The following TNIP1 variants were observed in gnomAD, a reference collection of about 807,000 sequenced individuals.
TNIP1 encodes TNFAIP3 interacting protein 1, also known as TNFAIP3-interacting protein 1.
Under a neutral mutation model 86.6 loss-of-function variants are expected in TNIP1, and 22 were observed. The observed-to-expected ratio is 0.25, with a 90% confidence interval of 0.18 to 0.36. The LOEUF (loss-of-function observed/expected upper bound fraction) is 0.36. Among genes scored for constraint, TNIP1 ranks in the 10% least tolerant of loss-of-function variants. The pLI is 1.00. For synonymous variants in TNIP1, 294 were observed against 313.0 expected, an observed-to-expected ratio of 0.94 and a Z score of 0.64; for missense variants, 709 against 820.6, an observed-to-expected ratio of 0.86 and a Z score of 1.66.
intron 8 of TNIP1, among the ~76,000 whole-genome samples, chr5:151,049,015 A>G (rs939950499): frequency 6.6e-6 from 1 of 152,208 alleles, no homozygotes; most frequent in African/African-American, 2.4e-5. Context: ...GATGAGGCCC[A>G]AATAAGAAAA....
chr5:151,047,953 T>C (rs1759394679), intron 8 of TNIP1, among the ~76,000 whole-genome samples: 1 of 152,208 alleles, frequency 6.6e-6, no homozygotes, highest in African/African-American at 2.4e-5. Context: ...CAGCGTTCTC[T>C]TTCCCTCCAC....
chr5:151,038,685 C>A (rs1376250818), intron 12 of TNIP1, among the ~76,000 whole-genome samples: 1 of 152,150 alleles, frequency 6.6e-6, no homozygotes, highest in East Asian at 1.9e-4. Flanking sequence ...AAAGTATGCA[C>A]CTCCCACCAC....
At chr5:151,037,589 T>C (rs189589770) in intron 12 of TNIP1, among the ~76,000 whole-genome samples, 26 of 152,328 alleles carry the variant, frequency 1.7e-4, no homozygotes, top group Middle Eastern at 3.4e-3. Flanking sequence ...TCTTAATCTA[T>C]CATGTTCACA....
chr5:151,057,446 C>T (rs1381760078), intron 5 of TNIP1, among the ~76,000 whole-genome samples: 1 of 152,208 alleles, frequency 6.6e-6, no homozygotes, highest in Non-Finnish European at 1.5e-5. Flanking sequence ...AACAAACTGG[C>T]CGGGCGCGAT....
upstream of TNIP1, among the ~76,000 whole-genome samples, chr5:151,085,805 C>G (rs1342252830): frequency 1.3e-5 from 2 of 152,240 alleles, no homozygotes; most frequent in African/African-American, 4.8e-5. Context: ...CAGGCCCAGC[C>G]CGGCCCAGCC....
Position 151,030,543 on chromosome 5 carries a change from G to T in TNIP1, c.*170C>A. 1.9e-6 allele frequency: 2 copies of T among 1,058,614 alleles called. No homozygotes were observed. The highest frequency in any genetic ancestry group is 1.5e-5 in the South Asian group (1 of 67,580). 65.6% of individuals were successfully genotyped at this position (1,058,614 alleles called of 1,614,324 possible). ...AAGCCTTCTGGGTGGAGCCTCCCCA[G>T]TCCTGTAAACAGCTCAGTTCAGGGA... On this transcript the variant is annotated 3_prime_UTR_variant, in exon 18 of 18. Coordinates refer to ENST00000521591, the MANE Select transcript of TNIP1 (RefSeq NM_006058.5).
intron 1 of TNIP1, among the ~76,000 whole-genome samples, chr5:151,070,979 T>A (rs1322504767): frequency 6.6e-6 from 1 of 151,498 alleles, no homozygotes; most frequent in Non-Finnish European, 1.5e-5. Context: ...GTAAAAAATC[T>A]ACCACTCTGG....
At chr5:151,065,977 G>A (rs1762174718) in intron 1 of TNIP1, among the ~76,000 whole-genome samples, 1 of 152,124 alleles carries the variant, frequency 6.6e-6, no homozygotes, top group African/African-American at 2.4e-5. Flanking sequence ...TAACTCTGTG[G>A]CTTAGTAGAG....
chr5:151,044,143 C>T (rs1324476402), intron 9 of TNIP1, among the ~76,000 whole-genome samples: 1 of 151,994 alleles, frequency 6.6e-6, no homozygotes, highest in African/African-American at 2.4e-5. Flanking sequence ...CTCCTGAGCT[C>T]AAGTGATCCT....
At chr5:151,087,567 C>T (rs1220950923), upstream of TNIP1, 1 of 152,288 alleles carries the variant, frequency 6.6e-6, no homozygotes, top group African/African-American at 2.4e-5. Flanking sequence ...CAGCCCACAT[C>T]CTCCCACCCC....
intron 2 of TNIP1, among the ~76,000 whole-genome samples, chr5:151,064,534 C>G (rs546500173): frequency 1.3e-5 from 2 of 152,118 alleles, no homozygotes; most frequent in African/African-American, 4.8e-5. Context: ...AACTGAGGGA[C>G]CTACCACCTC....
chr5:151,039,023 G>A, intron 12 of TNIP1, 74 bp downstream of exon 12: 1 of 1,547,962 alleles, frequency 6.5e-7, no homozygotes, highest in Non-Finnish European at 8.7e-7. Context: ...ATGGTTGGGG[G>A]TGCCAGTGAT....
Position 151,049,892 on chromosome 5 carries a change from C to T in TNIP1, c.778G>A (p.Ala260Thr). ...LLMSNGNKEG[A>T]SGRPGSPKME... The stretch of plus-strand genomic sequence containing the variant: ...TTCGGTGAGCCTGGCCGCCCAGACG[C>T]ACCCTCTTTGTTGCCATTGCTCATC... The change falls in exon 8 of 18, where the codon GCG (alanine) becomes ACG (threonine). Residue 260 changes from alanine to threonine, a missense_variant. By Grantham distance (58) the Ala-to-Thr change is moderately conservative. Transcript: ENST00000521591. The T allele has an allele frequency of 6.2e-7, 1 of 1,614,224 alleles. No individual in the cohort carries two copies. The highest frequency in any genetic ancestry group is 8.5e-7 in the Non-Finnish European group (1 of 1,180,042).
intron 1 of TNIP1, 69 bp from the exon 2 acceptor site, chr5:151,065,200 T>C: frequency 5.0e-6 from 7 of 1,389,492 alleles, no homozygotes; most frequent in Non-Finnish European, 5.9e-6. Context: ...AGAGAAGCTC[T>C]AGTCTGTCAA....
intron 1 of TNIP1, among the ~76,000 whole-genome samples, chr5:151,068,253 G>A (rs1340317548): frequency 1.3e-5 from 2 of 152,190 alleles, no homozygotes; most frequent in Non-Finnish European, 2.9e-5. Context: ...AAGTTCTGCT[G>A]ACCTCATGCC....
intron 15 of TNIP1, among the ~76,000 whole-genome samples, chr5:151,034,057 C>T: frequency 1.3e-5 from 2 of 151,500 alleles, no homozygotes; most frequent in Admixed American, 6.6e-5. Context: ...GACATGGGCA[C>T]AGAAGGCTGG....
intron 6 of TNIP1, 129 bp from the exon 7 acceptor site, chr5:151,052,388 C>T (rs1760063924): frequency 1.4e-6 from 1 of 721,148 alleles, no homozygotes; most frequent in Admixed American, 2.6e-5. Flanking sequence ...TGCCTGGCCT[C>T]ACCCCATCCC....
intron 5 of TNIP1, among the ~76,000 whole-genome samples, chr5:151,059,929 G>C (rs947774372): frequency 6.6e-6 from 1 of 150,602 alleles, no homozygotes; most frequent in Non-Finnish European, 1.5e-5. Flanking sequence ...TGCTCCAAGA[G>C]TCTGCACAAA....
intron 7 of TNIP1, among the ~76,000 whole-genome samples, chr5:151,051,359 T>G (rs1396051956): frequency 6.6e-6 from 1 of 152,168 alleles, no homozygotes; most frequent in Admixed American, 6.5e-5. Flanking sequence ...CCTATGTGCC[T>G]GAGCCCAGCT....
Sources: allele counts gnomAD v4.1 joint callset (sites outside exome capture counted in the v4.1 genomes callset), GRCh38; gene constraint gnomAD v4.1.1; transcripts MANE v1.5; gene names NCBI Gene and HGNC (gene_info 2026-07-23, HGNC 2026-07-21).